Variants in TANK observed in about 807,000 individuals in gnomAD.
TANK encodes TRAF family member associated NFKB activator.
In TANK, 15 loss-of-function variants were observed where a neutral mutation model predicts 43.6. The observed-to-expected ratio is 0.34, with a 90% CI of 0.23 to 0.53. TANK has a LOEUF of 0.53. Among genes scored for constraint, TANK ranks in the 20% least tolerant of loss-of-function variants. The pLI, the probability that TANK is intolerant of heterozygous loss-of-function variation, is 0.94. For missense variants in TANK, 417 were observed against 498.6 expected, an observed-to-expected ratio of 0.84 and a Z score of 1.56; for synonymous variants, 162 against 178.2, an observed-to-expected ratio of 0.91 and a Z score of 0.73.
At chr2:161,212,815 C>T in intron 4 of TANK, 2 of 967,202 alleles carry the variant, frequency 2.1e-6, no homozygotes, top group Non-Finnish European at 2.5e-6. Flanking sequence ...AGGAATAGCC[C>T]CCTGTCCACC....
At position 161,174,083 on chromosome 2, in the gene TANK, T is replaced by A. The variant is rs1558974090; in HGVS notation, c.-49-5531T>A. Among the ~76,000 whole-genome samples the A allele has an allele frequency of 5.9e-5, 9 of 152,136 alleles. No homozygotes were observed. In the South Asian group the frequency reaches 1.9e-3, roughly 32 times the overall value. On this transcript the variant is annotated intron_variant, in intron 1 of 7. Transcript: ENST00000392749. ...GATATTGAGGAACAAATAACATATC[T>A]TATATATATGGTCTCACTGAAGTTT...
intron 2 of TANK, among the ~76,000 whole-genome samples, chr2:161,186,910 TAAA>T (rs774576038): frequency 6.6e-6 from 1 of 152,158 alleles, no homozygotes; most frequent in Non-Finnish European, 1.5e-5. Flanking sequence ...ACAGGCATTT[TAAA>T]AAATGCTTAC....
chr2:161,137,928 A>G (rs1002264991), intron 1 of TANK: 1 of 258,360 alleles, frequency 3.9e-6, no homozygotes, highest in Non-Finnish European at 6.0e-6. Flanking sequence ...GAGCCAAGAC[A>G]GCACTATTGC....
At chr2:161,153,561 G>A (rs187435975) in intron 1 of TANK, among the ~76,000 whole-genome samples, 2 of 151,740 alleles carry the variant, frequency 1.3e-5, no homozygotes, top group African/African-American at 2.4e-5. Flanking sequence ...GATGGTGCAC[G>A]TCTGTAGTCC....
chr2:161,137,198 C>T (rs1331323309), intron 1 of TANK: 1 of 985,328 alleles, frequency 1.0e-6, no homozygotes, highest in Middle Eastern at 5.2e-4. Context: ...TCAATAATGC[C>T]TTTGTAGTTA....
chr2:161,208,469 C>T (rs1249720806), intron 4 of TANK, among the ~76,000 whole-genome samples: 1 of 152,114 alleles, frequency 6.6e-6, no homozygotes, highest in Non-Finnish European at 1.5e-5. Flanking sequence ...GTCTTTTGTA[C>T]ACCACAGTAA....
intron 1 of TANK, chr2:161,139,850 A>C: frequency 3.0e-6 from 3 of 985,452 alleles, no homozygotes; most frequent in Non-Finnish European, 3.6e-6. Flanking sequence ...CCTTCTTCCT[A>C]TTATGACAGT....
intron 2 of TANK, among the ~76,000 whole-genome samples, chr2:161,198,804 C>T (rs1176481720): frequency 1.3e-5 from 2 of 152,146 alleles, no homozygotes; most frequent in Non-Finnish European, 2.9e-5. Flanking sequence ...TTGGTGGCAG[C>T]ACTGTCACCT....
chr2:161,155,910 A>G (rs774873703), upstream of TANK: 6 of 363,576 alleles, frequency 1.7e-5, no homozygotes, highest in African/African-American at 2.2e-5. Flanking sequence ...TGATCTTTCT[A>G]TCCCTAATTC....
Position 161,231,282 on chromosome 2 carries a change from G to A in TANK, c.832G>A (p.Gly278Arg), listed in dbSNP as rs1687897423. Residue 278 changes from glycine to arginine, a missense_variant, in exon 7 of 8, where the codon GGG (glycine) becomes AGG (arginine). By Grantham distance (125) the Gly-to-Arg change is moderately radical. Coordinates refer to ENST00000392749, the MANE Select transcript of TANK (RefSeq NM_001199135.3). ...TAATATGGAGTTCAGAGACAACCCA[G>A]GGAACTTTGTTAAAACAGAAGAAAC... ...KFNMEFRDNPGNFVKTEETLF... is the reference protein window; with the variant it reads ...KFNMEFRDNPRNFVKTEETLF... The A allele has an allele frequency of 6.2e-7, 1 of 1,613,946 alleles. No homozygotes were observed. The highest frequency in any genetic ancestry group is 1.7e-5 in the Admixed American group (1 of 60,006).
chr2:161,234,198 A>G (rs1688062182), intron 7 of TANK, among the ~76,000 whole-genome samples: 1 of 152,212 alleles, frequency 6.6e-6, no homozygotes, highest in Non-Finnish European at 1.5e-5. Flanking sequence ...CATTAGTAAT[A>G]TACTGTTTAT....
At position 161,231,071 on chromosome 2, in the gene TANK, A is replaced by G. The variant is rs779357641; in HGVS notation, c.621A>G (p.Pro207=). 2 of 1,614,168 alleles carry G rather than the reference A, an allele frequency of 1.2e-6. No individual in the cohort carries two copies. The highest frequency in any genetic ancestry group is 1.7e-5 in the Admixed American group (1 of 60,030). The stretch of plus-strand genomic sequence containing the variant: ...AAGATGATATAAATAGAGGTGCACC[A>G]TCCATCACATCTGTCACACCAAGAG... ...QAKDDINRGA[P]SITSVTPRGL... is the part of the protein sequence containing the mutation. The change falls in exon 7 of 8, where the codon CCA becomes CCG. Residue 207 remains proline (P), a synonymous_variant. Transcript: ENST00000392749.
At chr2:161,160,796 G>A (rs1441148372) in intron 1 of TANK, 3 of 549,232 alleles carry the variant, frequency 5.5e-6, no homozygotes, top group South Asian at 1.5e-5. Flanking sequence ...CCCGGGAAAT[G>A]GGGGTGGAAG....
At chr2:161,161,287 G>T in intron 1 of TANK, 1 of 1,550,578 alleles carries the variant, frequency 6.4e-7, no homozygotes, top group Admixed American at 2.0e-5. Context: ...CCTCACAGGA[G>T]ATGCTTTTGA....
rs1043592967 is a variant in TANK at position 161,180,379 on chromosome 2, C to G, written c.99+618C>G. Reference sequence around the variant, plus strand: ...GCATATCCAGGCAAAAATTACTTAACCTCATAGTTCTTAAGCACATGTCTG... The same window carrying G: ...GCATATCCAGGCAAAAATTACTTAAGCTCATAGTTCTTAAGCACATGTCTG... On this transcript the variant is annotated intron_variant, in intron 2 of 7. Coordinates refer to ENST00000392749, the MANE Select transcript of TANK (RefSeq NM_001199135.3). Among the ~76,000 whole-genome samples the G allele has an allele frequency of 1.8e-4, 28 of 152,064 alleles. 1 individual carries two copies. The highest frequency in any genetic ancestry group is 4.1e-4 in the Non-Finnish European group (28 of 67,976).
At chr2:161,167,552 C>T (rs1375727833) in intron 1 of TANK, among the ~76,000 whole-genome samples, 1 of 152,188 alleles carries the variant, frequency 6.6e-6, no homozygotes, top group Non-Finnish European at 1.5e-5. Context: ...CTGCCTTGGA[C>T]ACACTTCCAG....
chr2:161,179,842 A>G, intron 2 of TANK, 81 bp downstream of exon 2: 2 of 1,466,960 alleles, frequency 1.4e-6, no homozygotes, highest in South Asian at 2.9e-5. Context: ...AAAATGTTAT[A>G]TTGTTAGAAA....
At chr2:161,224,572 T>G (rs1401050284) in intron 5 of TANK, 59 bp from the exon 6 acceptor site, 1 of 729,770 alleles carries the variant, frequency 1.4e-6, no homozygotes, top group Admixed American at 2.9e-5. Context: ...TAAGTTTGAT[T>G]ATTTAAAAAA....
intron 1 of TANK, chr2:161,161,153 A>G: frequency 7.0e-7 from 1 of 1,422,608 alleles, no homozygotes; most frequent in South Asian, 1.5e-5. Flanking sequence ...GTTACAGGCA[A>G]AAAAGCTGTG....
Sources: gnomAD v4.1 joint callset for allele counts (sites outside exome capture counted in the v4.1 genomes callset) on GRCh38, gnomAD v4.1.1 for gene constraint, MANE v1.5 for transcripts, NCBI Gene and HGNC (gene_info 2026-07-23, HGNC 2026-07-21) for gene names.